The following DEGS2 variants were observed in gnomAD, a reference collection of about 807,000 sequenced individuals.
DEGS2 encodes the protein delta 4-desaturase, sphingolipid 2, also known as sphingolipid delta(4)-desaturase/C4-monooxygenase DES2.
DEGS2 carries 19 observed loss-of-function variants against 23.8 expected under a neutral mutation model. That is an observed-to-expected ratio of 0.80 (90% CI 0.56 to 1.17). The LOEUF (loss-of-function observed/expected upper bound fraction) is 1.17. Ranked by LOEUF, DEGS2 falls within the 50% of genes most tolerant of loss-of-function variation. The pLI is 0.00. For missense variants in DEGS2, 390 were observed against 459.5 expected (o/e 0.85, Z 1.38); for synonymous variants, 218 against 213.7 (o/e 1.02, Z -0.18).
chr14:100,149,828 G>C lies in DEGS2; in HGVS notation c.83-118C>G, dbSNP rs554227342. The stretch of plus-strand genomic sequence containing the variant: ...GTGGGAGTGGCCAGCAAACCTCGCT[G>C]GTCCCTTTGCCCCTGCACACAGGCC... On this transcript the variant is annotated intron_variant, in intron 1 of 2. Coordinates refer to ENST00000305631, the MANE Select transcript of DEGS2 (RefSeq NM_206918.3). 5.0e-3 allele frequency: 5,433 copies of C among 1,082,758 alleles called. 16 individuals carry two copies. Among genetic ancestry groups the C allele is most frequent in the Non-Finnish European group, 5.8e-3 (4,401 of 756,988 alleles). 67.1% of individuals were successfully genotyped at this position (1,082,758 alleles called of 1,614,324 possible). A position where few individuals can be genotyped will look rare whatever the true frequency, so the allele number is the denominator to read the frequency against.
intron 1 of DEGS2, among the ~76,000 whole-genome samples, chr14:100,156,206 G>C (rs1188870888): frequency 6.6e-6 from 1 of 152,256 alleles, no homozygotes; most frequent in Non-Finnish European, 1.5e-5. Context: ...GGGTGGGGCA[G>C]GAGGCTGCCT....
At chr14:100,160,366 A>G (rs959799245), upstream of DEGS2, among the ~76,000 whole-genome samples, 3 of 152,092 alleles carry the variant, frequency 2.0e-5, no homozygotes, top group Non-Finnish European at 4.4e-5. Flanking sequence ...GAACTTTTGC[A>G]TTGGGCCTTG....
chr14:100,149,126 G>A lies in DEGS2; in HGVS notation c.667C>T (p.His223Tyr), dbSNP rs1566740732. 1 of 1,613,016 alleles carries A rather than the reference G, an allele frequency of 6.2e-7. No homozygotes were observed. The highest frequency in any genetic ancestry group is 2.2e-5 in the East Asian group (1 of 44,884). ...LASSFLGLGL[H>Y]PISGHFVAEH... ...GCCACGAAGTGGCCCGAGATGGGGT[G>A]CAGGCCCAGGCCCAGGAAGGAGCTG... Residue 223 changes from histidine to tyrosine, a missense_variant, in exon 2 of 3, where the codon CAC (histidine) becomes TAC (tyrosine). By Grantham distance (83) the His-to-Tyr change is moderately conservative. Transcript: ENST00000305631.
At chr14:100,163,399 G>A (rs1566744951), upstream of DEGS2, among the ~76,000 whole-genome samples, 1 of 152,250 alleles carries the variant, frequency 6.6e-6, no homozygotes, top group East Asian at 1.9e-4. Context: ...CTGAGATTTC[G>A]CTACTGCACT....
upstream of DEGS2, among the ~76,000 whole-genome samples, chr14:100,164,315 T>C (rs1206009989): frequency 2.6e-5 from 4 of 152,082 alleles, no homozygotes; most frequent in Non-Finnish European, 4.4e-5. Flanking sequence ...GCCTAGAACA[T>C]TTTCTGGCAA....
At chr14:100,151,519 C>T (rs985196080) in intron 1 of DEGS2, among the ~76,000 whole-genome samples, 2 of 152,206 alleles carry the variant, frequency 1.3e-5, no homozygotes, top group Admixed American at 1.3e-4. Flanking sequence ...CTGAGGGACC[C>T]CCAAGGAGCT....
At chr14:100,146,940 TTC>T (rs900961841) in intron 2 of DEGS2, 33 bp from the exon 3 acceptor site, 1 of 1,600,188 alleles carries the variant, frequency 6.2e-7, no homozygotes, top group African/African-American at 1.3e-5. Flanking sequence ...CAGGGGCTGG[TTC>T]TCCTCGGGGC....
chr14:100,150,387 A>ACCCCCCCCCCCCCCCCCCCCCCACCC (rs778863717), intron 1 of DEGS2, among the ~76,000 whole-genome samples: 2 of 92,274 alleles, frequency 2.2e-5, no homozygotes, highest in African/African-American at 4.6e-5. Flanking sequence ...CCACCCCAAC[A>ACCCCCCCCCCCCCCCCCCCCCCACCC]CCCCCCCCCG....
chr14:100,146,988 A>G, intron 2 of DEGS2, 81 bp from the exon 3 acceptor site: 3 of 1,510,116 alleles, frequency 2.0e-6, no homozygotes, highest in South Asian at 1.3e-5. Context: ...ACCTGAGCAC[A>G]CGCGGTGGGC....
chr14:100,146,645 T>G lies in DEGS2; in HGVS notation c.*116A>C. ...CAGGTGTGGCTGCGCGGGACACTCCTCGGGGACAAGGGCAGCAGTCCAGAG... is the reference window on the plus strand; with the variant it reads ...CAGGTGTGGCTGCGCGGGACACTCCGCGGGGACAAGGGCAGCAGTCCAGAG... On this transcript the variant is annotated 3_prime_UTR_variant, in exon 3 of 3. Transcript: ENST00000305631. 2.7e-6 allele frequency: 4 copies of G among 1,455,960 alleles called. No homozygotes were observed. Among genetic ancestry groups the G allele is most frequent in the Non-Finnish European group, 3.7e-6 (4 of 1,084,274 alleles). The allele number at this position is 1,455,960 out of a possible 1,614,324, so 90.2% of individuals were successfully genotyped here.
chr14:100,153,747 C>T (rs973162007), intron 1 of DEGS2, among the ~76,000 whole-genome samples: 3 of 152,230 alleles, frequency 2.0e-5, no homozygotes, highest in African/African-American at 7.2e-5. Context: ...CGTGCACAGC[C>T]ACCTGGAACC....
At chr14:100,158,770 C>G (rs1479874344) in intron 1 of DEGS2, among the ~76,000 whole-genome samples, 1 of 152,154 alleles carries the variant, frequency 6.6e-6, no homozygotes, top group Non-Finnish European at 1.5e-5. Context: ...GGCCCTTTAA[C>G]CCCGTAAGCC....
At position 100,153,780 on chromosome 14, in the gene DEGS2, C is replaced by T. The variant is rs549559021; in HGVS notation, c.83-4070G>A. ...ACCAAGATACACAGACCCACACAGACGGTTTCCAGCAGCGGCCCCAGGTGA... is the reference window on the plus strand; with the variant it reads ...ACCAAGATACACAGACCCACACAGATGGTTTCCAGCAGCGGCCCCAGGTGA... On this transcript the variant is annotated intron_variant, in intron 1 of 2. Transcript: ENST00000305631. Among the ~76,000 whole-genome samples the T allele has an allele frequency of 4.6e-5, 7 of 152,358 alleles. No individual in the cohort carries two copies. The South Asian group carries it at 6.2e-4, about 14-fold the overall frequency.
intron 1 of DEGS2, among the ~76,000 whole-genome samples, chr14:100,154,001 C>T (rs988019434): frequency 3.9e-5 from 6 of 152,132 alleles, no homozygotes; most frequent in Admixed American, 6.6e-5. Context: ...AGCAAGGCCC[C>T]GATGTGGACT....
At chr14:100,159,937 G>T (rs1426927702), upstream of DEGS2, 1 of 173,588 alleles carries the variant, frequency 5.8e-6, no homozygotes, top group Non-Finnish European at 1.2e-5. Context: ...GGCTCTGCGC[G>T]CCCCGCCCAC....
chr14:100,148,977 G>A lies in DEGS2; in HGVS notation c.816C>T (p.Asn272=). ...HHDFPSIPGY[N]LPLVRKIAPE... is the part of the protein sequence containing the mutation. ...CAGCCCAGCCACATACCAGCGGCAG[G>A]TTGTAGCCCGGGATGCTGGGGAAGT... is the stretch of plus-strand genomic sequence containing the variant. Residue 272 remains asparagine, a synonymous_variant, in exon 2 of 3, where the codon AAC becomes AAT. Coordinates refer to ENST00000305631, the MANE Select transcript of DEGS2 (RefSeq NM_206918.3). The A allele has an allele frequency of 6.2e-7, 1 of 1,612,042 alleles. No individual in the cohort carries two copies. Among genetic ancestry groups the A allele is most frequent in the Non-Finnish European group, 8.5e-7 (1 of 1,179,380 alleles).
chr14:100,161,264 C>T (rs1384511923), upstream of DEGS2, among the ~76,000 whole-genome samples: 2 of 152,234 alleles, frequency 1.3e-5, no homozygotes, highest in East Asian at 1.9e-4. Context: ...TGCCCCAGGC[C>T]ACCGCCTATC....
Position 100,145,035 on chromosome 14 carries a change from AG to A in DEGS2, c.*1725del, listed in dbSNP as rs2140416712. Reference sequence around the variant, plus strand: ...CTAGGTCTGGTGGCACTTTTAACCCAGGGCCTGCAGACCACAGCTCAGAGCT... The same window carrying A: ...CTAGGTCTGGTGGCACTTTTAACCCAGGCCTGCAGACCACAGCTCAGAGCT... On this transcript the variant is annotated 3_prime_UTR_variant, in exon 3 of 3. Transcript: ENST00000305631. The A allele has an allele frequency of 6.6e-6, 1 of 152,484 alleles. No individual in the cohort carries two copies. The highest frequency in any genetic ancestry group is 6.5e-5 in the Admixed American group (1 of 15,302). 9.4% of individuals were successfully genotyped at this position (152,484 alleles called of 1,614,324 possible).
Position 100,149,001 on chromosome 14 carries a change from G to C in DEGS2, c.792C>G (p.Asp264Glu). Residue 264 changes from aspartate to glutamate, a missense_variant, in exon 2 of 3, where the codon GAC (aspartate) becomes GAG (glutamate). Physicochemically the swap from Asp to Glu is conservative, Grantham distance 45. Transcript: ENST00000305631. ...FNVGYHVEHHDFPSIPGYNLP... is the reference protein window; with the variant it reads ...FNVGYHVEHHEFPSIPGYNLP... ...GGTTGTAGCCCGGGATGCTGGGGAA[G>C]TCGTGGTGCTCCACGTGGTAGCCCA... The C allele has an allele frequency of 1.2e-6, 2 of 1,612,780 alleles. No homozygotes were observed. The highest frequency in any genetic ancestry group is 1.7e-6 in the Non-Finnish European group (2 of 1,179,938).
Sources: gnomAD v4.1 joint callset for allele counts (sites outside exome capture counted in the v4.1 genomes callset) on GRCh38, gnomAD v4.1.1 for gene constraint, MANE v1.5 for transcripts, NCBI Gene and HGNC (gene_info 2026-07-23, HGNC 2026-07-21) for gene names.